The following DPP6 variants were observed in gnomAD, a reference collection of about 807,000 sequenced individuals.
DPP6 encodes the protein dipeptidyl peptidase like 6.
Under a neutral mutation model 122.6 loss-of-function variants are expected in DPP6, and 69 were observed. The ratio of observed to expected loss-of-function variants is 0.56; its 90% confidence interval spans 0.46 to 0.69. DPP6 has a LOEUF of 0.69. Among genes scored for constraint, DPP6 ranks in the 30% least tolerant of loss-of-function variants. DPP6 has a pLI of 0.00. For missense variants in DPP6, 928 were observed against 1,116.9 expected, an observed-to-expected ratio of 0.83 and a Z score of 2.41; for synonymous variants, 418 against 433.1, an observed-to-expected ratio of 0.97 and a Z score of 0.43.
chr7:154,047,130 T>TA (rs1800059342), intron 1 of DPP6, among the ~76,000 whole-genome samples: 1 of 151,550 alleles, frequency 6.6e-6, no homozygotes, highest in Non-Finnish European at 1.5e-5. Context: ...GAAGACAGTG[T>TA]AAGCCCTTGT....
At chr7:153,981,728 G>A (rs1188357188) in intron 1 of DPP6, among the ~76,000 whole-genome samples, 2 of 152,126 alleles carry the variant, frequency 1.3e-5, no homozygotes, top group Non-Finnish European at 2.9e-5. Flanking sequence ...GCTCTTTTAG[G>A]GAAGGCCTGG....
At chr7:154,242,010 C>G (rs1403815601) in intron 1 of DPP6, among the ~76,000 whole-genome samples, 1 of 152,166 alleles carries the variant, frequency 6.6e-6, no homozygotes. Flanking sequence ...TGTAATAGAA[C>G]ACAGGAAGGA....
rs1160095500 is a variant in DPP6, at chr7:154,062,294, C to T, written c.243+9231C>T. Among the ~76,000 whole-genome samples, 24 of 79,946 alleles carry T rather than the reference C, an allele frequency of 3.0e-4. 4 individuals carry two copies. The highest frequency in any genetic ancestry group is 1.9e-3 in the Admixed American group (14 of 7,402). 52.4% of individuals were successfully genotyped at this position (79,946 alleles called of 152,430 possible). On this transcript the variant is annotated intron_variant, in intron 1 of 25. Coordinates refer to ENST00000377770, the MANE Select transcript of DPP6 (RefSeq NM_130797.4). ...GATTACTGAGAGCCAGTCCCTCTTCCCCCCCGGCTCTGAGGACCCCCATCG... is the reference window on the plus strand; with the variant it reads ...GATTACTGAGAGCCAGTCCCTCTTCTCCCCCGGCTCTGAGGACCCCCATCG...
intron 6 of DPP6, among the ~76,000 whole-genome samples, chr7:154,638,320 T>G (rs1252257226): frequency 1.3e-5 from 2 of 152,160 alleles, no homozygotes; most frequent in African/African-American, 4.8e-5. Flanking sequence ...CTGGAACATA[T>G]CTATGGGATT....
intron 1 of DPP6, among the ~76,000 whole-genome samples, chr7:154,062,496 AC>A (rs550468679): frequency 5.6e-5 from 1 of 17,822 alleles, no homozygotes; most frequent in Admixed American, 5.0e-4. Context: ...AGGGGGAGGC[AC>A]CCCCCGCGAG....
intron 1 of DPP6, among the ~76,000 whole-genome samples, chr7:153,943,033 C>G (rs1179335125): frequency 2.0e-5 from 3 of 152,206 alleles, no homozygotes; most frequent in Non-Finnish European, 1.5e-5. Flanking sequence ...TACACTTTCC[C>G]TAGATTCGCC....
the DPP6 span, among the ~76,000 whole-genome samples, chr7:153,822,515 C>T: frequency 1.3e-5 from 2 of 152,076 alleles, no homozygotes; most frequent in Non-Finnish European, 2.9e-5. Context: ...AAATAAGTTT[C>T]AGTTAGAATA....
At chr7:154,270,106 G>A (rs1563394789) in intron 1 of DPP6, among the ~76,000 whole-genome samples, 1 of 152,228 alleles carries the variant, frequency 6.6e-6, no homozygotes, top group East Asian at 1.9e-4. Context: ...TAAAGGGGGA[G>A]GATTGAGTTT....
chr7:154,137,474 A>G (rs1473372688), intron 1 of DPP6, among the ~76,000 whole-genome samples: 1 of 151,806 alleles, frequency 6.6e-6, no homozygotes, highest in Non-Finnish European at 1.5e-5. Context: ...TGGGGTTGAA[A>G]AATGGTATTT....
Position 154,885,623 on chromosome 7 carries a change from C to A in DPP6, c.2134-10C>A. ...GACTCCTAACTGTCTTCTCTCTGCG[C>A]TTTCTCCAGGATTACGGTGGCTACC... On this transcript the variant is annotated splice_polypyrimidine_tract_variant and intron_variant, in intron 21 of 25. Transcript: ENST00000377770. 1 of 1,560,852 alleles carries A rather than the reference C, an allele frequency of 6.4e-7. No individual in the cohort carries two copies. The highest frequency in any genetic ancestry group is 8.7e-7 in the Non-Finnish European group (1 of 1,152,508).
intron 1 of DPP6, among the ~76,000 whole-genome samples, chr7:154,097,825 G>T (rs1805441440): frequency 6.6e-6 from 1 of 152,194 alleles, no homozygotes. Context: ...GGCCTCGGGT[G>T]CTAGCCACGT....
rs1420376321 is a variant in DPP6 at position 153,964,909 on chromosome 7, T to C, written c.51+77175T>C. Among the ~76,000 whole-genome samples the C allele has an allele frequency of 1.2e-4, 11 of 95,480 alleles. 2 individuals are homozygous for C. The highest frequency in any genetic ancestry group is 3.8e-4 in the South Asian group (1 of 2,642). The allele number at this position is 95,480 out of a possible 152,430, so 62.6% of individuals were successfully genotyped here. A position where few individuals can be genotyped will look rare whatever the true frequency, so the allele number is the denominator to read the frequency against. On this transcript the variant is annotated intron_variant, in intron 1 of 25. Transcript: ENST00000404039. ...TCTTCCCTTTCTTTCCCTTCTTTTCTTTTCCTTTCTTTCTTTCTTTCTTTC... is the reference window on the plus strand; with the variant it reads ...TCTTCCCTTTCTTTCCCTTCTTTTCCTTTCCTTTCTTTCTTTCTTTCTTTC...
At chr7:154,297,833 G>A (rs10262135) in intron 1 of DPP6, among the ~76,000 whole-genome samples, 38,131 of 152,046 alleles carry the variant, frequency 0.25, 4,778 homozygotes, top group Admixed American at 0.27. Flanking sequence ...GGGAAAAGGC[G>A]GGAAGGAGAG....
chr7:154,011,136 C>T (rs1174142476), intron 1 of DPP6, among the ~76,000 whole-genome samples: 2 of 152,200 alleles, frequency 1.3e-5, no homozygotes. Flanking sequence ...AGCTCTCCCT[C>T]TCCACTCTCC....
intron 1 of DPP6, among the ~76,000 whole-genome samples, chr7:154,399,914 A>G (rs748061444): frequency 4.6e-5 from 7 of 152,218 alleles, no homozygotes; most frequent in Non-Finnish European, 1.0e-4. Flanking sequence ...TGAAATATGT[A>G]TATATGAAAA....
chr7:154,566,929 CT>C lies in DPP6; in HGVS notation c.627+16del. On this transcript the variant is annotated intron_variant, in intron 5 of 25. Transcript: ENST00000377770. Reference sequence around the variant, plus strand: ...CAATGTGGAACCCGTGAGTATTATCCTTTACTGCCTACAAAATAATTGTTTC... The same window carrying C: ...CAATGTGGAACCCGTGAGTATTATCCTTACTGCCTACAAAATAATTGTTTC... 5.7e-6 allele frequency: 9 copies of C among 1,567,154 alleles called. No homozygotes were observed. The highest frequency in any genetic ancestry group is 1.1e-5 in the South Asian group (1 of 89,272).
At chr7:154,285,832 GA>G (rs1393744720) in intron 1 of DPP6, among the ~76,000 whole-genome samples, 1 of 152,152 alleles carries the variant, frequency 6.6e-6, no homozygotes, top group Non-Finnish European at 1.5e-5. Context: ...TCGAATACGG[GA>G]AAGACAGAAT....
intron 1 of DPP6, among the ~76,000 whole-genome samples, chr7:154,261,390 A>C (rs1217923489): frequency 6.6e-6 from 1 of 152,244 alleles, no homozygotes; most frequent in African/African-American, 2.4e-5. Context: ...AAATCAATTC[A>C]AGATGGATCA....
intron 1 of DPP6, chr7:154,038,442 T>A (rs1167840639): frequency 6.0e-5 from 2 of 33,104 alleles, no homozygotes; most frequent in Non-Finnish European, 1.2e-4. Flanking sequence ...ACCAGTAGAT[T>A]ATAGTTCATC....
Sources: gnomAD v4.1 joint callset for allele counts (sites outside exome capture counted in the v4.1 genomes callset) on GRCh38, gnomAD v4.1.1 for gene constraint, MANE v1.5 for transcripts, NCBI Gene and HGNC (gene_info 2026-07-23, HGNC 2026-07-21) for gene names.